The following SLIT3 variants were observed in gnomAD, a reference collection of about 807,000 sequenced individuals.
SLIT3 encodes slit guidance ligand 3, also known as slit homolog 3 protein.
In SLIT3, 68 loss-of-function variants were observed where a neutral mutation model predicts 184.0. The ratio of observed to expected loss-of-function variants is 0.37; its 90% CI spans 0.30 to 0.45. The LOEUF (loss-of-function observed/expected upper bound fraction) is 0.45, where lower values mean the gene tolerates loss of function less well. Among genes scored for constraint, SLIT3 ranks in the 20% least tolerant of loss-of-function variants. The pLI, the probability that SLIT3 is intolerant of heterozygous loss-of-function variation, is 1.00. For missense variants in SLIT3, 1,707 were observed against 2,026.0 expected, an observed-to-expected ratio of 0.84 and a Z score of 3.02; for synonymous variants, 831 against 828.6, an observed-to-expected ratio of 1.00 and a Z score of -0.05.
intron 4 of SLIT3, among the ~76,000 whole-genome samples, chr5:168,923,059 G>A (rs1236052656): frequency 2.0e-5 from 3 of 152,160 alleles, no homozygotes; most frequent in Admixed American, 1.3e-4. Flanking sequence ...GACTAGATGG[G>A]AGCAGAGGGG....
intron 1 of SLIT3, among the ~76,000 whole-genome samples, chr5:169,298,242 G>A (rs1332231009): frequency 1.3e-5 from 2 of 152,118 alleles, no homozygotes; most frequent in Non-Finnish European, 2.9e-5. Flanking sequence ...AGAGACCAGA[G>A]ACATCAAAGA....
chr5:168,852,427 G>A (rs181132828), intron 5 of SLIT3, among the ~76,000 whole-genome samples: 57 of 152,318 alleles, frequency 3.7e-4, no homozygotes, highest in African/African-American at 1.0e-3. Context: ...CACTAAGCAA[G>A]AGCCAGAGCT....
chr5:169,143,487 CTT>C (rs1761812311), intron 4 of SLIT3, among the ~76,000 whole-genome samples: 1 of 152,196 alleles, frequency 6.6e-6, no homozygotes, highest in African/African-American at 2.4e-5. Flanking sequence ...ATGATTTCAA[CTT>C]TGTTTGCATA....
chr5:169,176,314 C>G (rs889113602), intron 4 of SLIT3, among the ~76,000 whole-genome samples: 1 of 152,166 alleles, frequency 6.6e-6, no homozygotes, highest in Non-Finnish European at 1.5e-5. Context: ...GAATTTAAAG[C>G]CTGACGGGCA....
chr5:169,008,609 GTC>G (rs1290652417), intron 4 of SLIT3, among the ~76,000 whole-genome samples: 1 of 152,112 alleles, frequency 6.6e-6, no homozygotes, highest in Non-Finnish European at 1.5e-5. Context: ...GAGCCACACG[GTC>G]TCTCTGTGTC....
In SLIT3 at chr5:169,272,005, T is replaced by C. The variant is rs113280443; in HGVS notation, c.198-20546A>G. ...GGGTACAGAGGAGAGTAGGGGAAAC[T>C]GGGCAGGTGCAGGGGCAGAAGCCCA... is the stretch of plus-strand genomic sequence containing the variant. On this transcript the variant is annotated intron_variant, in intron 1 of 35. Coordinates refer to ENST00000519560, the MANE Select transcript of SLIT3 (RefSeq NM_003062.4). 1.0e-3 allele frequency among the ~76,000 whole-genome samples: 155 copies of C among 152,314 alleles called. 1 individual carries two copies. The highest frequency in any genetic ancestry group is 1.6e-3 in the Admixed American group (25 of 15,304).
At chr5:168,698,139 C>A (rs1245488272) in intron 27 of SLIT3, among the ~76,000 whole-genome samples, 5 of 152,090 alleles carry the variant, frequency 3.3e-5, no homozygotes, top group Non-Finnish European at 7.4e-5. Context: ...TGTGAGCAGG[C>A]AATGCAGCAA....
At chr5:168,945,823 A>G (rs1438275248) in intron 4 of SLIT3, among the ~76,000 whole-genome samples, 2 of 152,206 alleles carry the variant, frequency 1.3e-5, no homozygotes, top group African/African-American at 2.4e-5. Context: ...AACCATGTAC[A>G]AAGAAAGAGG....
chr5:168,811,800 G>T (rs576056695), intron 8 of SLIT3, among the ~76,000 whole-genome samples: 1 of 152,324 alleles, frequency 6.6e-6, no homozygotes, highest in South Asian at 2.1e-4. Context: ...ACGGAAAACA[G>T]TATGGAGGTT....
intron 4 of SLIT3, among the ~76,000 whole-genome samples, chr5:168,998,733 C>A (rs1369070972): frequency 6.6e-6 from 1 of 151,794 alleles, no homozygotes; most frequent in African/African-American, 2.4e-5. Flanking sequence ...CAAAACAAAA[C>A]AAAACAAAAG....
At chr5:169,106,492 G>C (rs1277432080) in intron 4 of SLIT3, among the ~76,000 whole-genome samples, 1 of 152,118 alleles carries the variant, frequency 6.6e-6, no homozygotes, top group Non-Finnish European at 1.5e-5. Context: ...TGGCCATCTT[G>C]CTATAATCAT....
intron 4 of SLIT3, among the ~76,000 whole-genome samples, chr5:169,157,566 G>T (rs1319754512): frequency 2.0e-5 from 3 of 152,122 alleles, no homozygotes; most frequent in Non-Finnish European, 4.4e-5. Context: ...CCCTTCCCAT[G>T]TCAGAGCAGT....
chr5:168,838,705 G>T (rs1035737728), intron 6 of SLIT3, among the ~76,000 whole-genome samples: 7 of 152,110 alleles, frequency 4.6e-5, no homozygotes, highest in African/African-American at 1.7e-4. Flanking sequence ...TAGGTTTCAG[G>T]ACTGCTGTCG....
At chr5:168,877,798 C>T (rs554974238) in intron 5 of SLIT3, among the ~76,000 whole-genome samples, 1 of 152,162 alleles carries the variant, frequency 6.6e-6, no homozygotes, top group South Asian at 2.1e-4. Context: ...ACACAGTCCT[C>T]GCAAATAGAA....
chr5:168,692,833 C>T lies in SLIT3; in HGVS notation c.3083-133G>A, dbSNP rs145160410. 2.4e-5 allele frequency: 15 copies of T among 629,152 alleles called. No homozygotes were observed. The East Asian group carries it at 2.5e-4, about 10-fold the overall frequency. 39.0% of individuals were successfully genotyped at this position (629,152 alleles called of 1,614,324 possible). Reference sequence around the variant, plus strand: ...CAGCCCCTGGTCAGGTGGGCATGGACGTCAGGAGTCCTGTGTTCTCACTCC... The same window carrying T: ...CAGCCCCTGGTCAGGTGGGCATGGATGTCAGGAGTCCTGTGTTCTCACTCC... On this transcript the variant is annotated intron_variant, in intron 28 of 35. Coordinates refer to ENST00000519560, the MANE Select transcript of SLIT3 (RefSeq NM_003062.4).
intron 4 of SLIT3, among the ~76,000 whole-genome samples, chr5:169,144,163 C>A (rs1761848856): frequency 6.6e-6 from 1 of 152,190 alleles, no homozygotes; most frequent in African/African-American, 2.4e-5. Flanking sequence ...GTGACACTCA[C>A]CTCGCCCAGC....
intron 4 of SLIT3, among the ~76,000 whole-genome samples, chr5:169,184,429 G>A (rs1431992943): frequency 6.6e-6 from 1 of 152,164 alleles, no homozygotes; most frequent in Non-Finnish European, 1.5e-5. Context: ...TTTCATGCAG[G>A]ATTCTTGGGA....
At chr5:168,836,243 T>C (rs530356807) in intron 6 of SLIT3, among the ~76,000 whole-genome samples, 1 of 152,290 alleles carries the variant, frequency 6.6e-6, no homozygotes, top group South Asian at 2.1e-4. Flanking sequence ...GCAGGCAGGT[T>C]TGGCTGTTCA....
intron 4 of SLIT3, among the ~76,000 whole-genome samples, chr5:169,088,891 A>G (rs1319548458): frequency 6.6e-6 from 1 of 151,768 alleles, no homozygotes; most frequent in East Asian, 1.9e-4. Context: ...ATGGTGGCGC[A>G]TGCCTGTAGT....
Sources: allele counts gnomAD v4.1 joint callset (sites outside exome capture counted in the v4.1 genomes callset), GRCh38; gene constraint gnomAD v4.1.1; transcripts MANE v1.5; gene names NCBI Gene and HGNC (gene_info 2026-07-23, HGNC 2026-07-21).